Variants in NAALADL2 observed in about 807,000 individuals in gnomAD.
The protein encoded by NAALADL2 is N-acetylated alpha-linked acidic dipeptidase like 2.
In NAALADL2, 76 loss-of-function variants were observed where a neutral mutation model predicts 87.2. The ratio of observed to expected loss-of-function variants is 0.87; its 90% CI spans 0.72 to 1.05. The LOEUF (loss-of-function observed/expected upper bound fraction) is 1.05. NAALADL2 is among the 50% of genes least tolerant of loss of function. The pLI, the probability that NAALADL2 is intolerant of heterozygous loss-of-function variation, is 0.00. For synonymous variants in NAALADL2, 354 were observed against 331.0 expected, an observed-to-expected ratio of 1.07 and a Z score of -0.75; for missense variants, 1,089 against 945.8, an observed-to-expected ratio of 1.15 and a Z score of -1.99.
intron 2 of NAALADL2, among the ~76,000 whole-genome samples, chr3:174,598,007 G>GAGAA (rs1718084781): frequency 6.6e-6 from 1 of 151,980 alleles, no homozygotes; most frequent in Admixed American, 6.6e-5. Flanking sequence ...TAAGTTCTTT[G>GAGAA]AGTTATAATC....
chr3:175,602,738 G>A (rs2149644017), intron 10 of NAALADL2, among the ~76,000 whole-genome samples: 1 of 152,240 alleles, frequency 6.6e-6, no homozygotes, highest in South Asian at 2.1e-4. Flanking sequence ...ACAGTGTTGT[G>A]GGAACTGGAA....
chr3:174,725,677 G>A (rs11717077), intron 2 of NAALADL2, among the ~76,000 whole-genome samples: 3 of 152,258 alleles, frequency 2.0e-5, no homozygotes, highest in South Asian at 2.1e-4. Context: ...CTAGAGAACC[G>A]TTTTTTATAG....
chr3:174,494,191 G>T (rs748028770), intron 1 of NAALADL2, among the ~76,000 whole-genome samples: 1 of 152,088 alleles, frequency 6.6e-6, no homozygotes, highest in African/African-American at 2.4e-5. Context: ...GTTAGGTGTC[G>T]CTTGGAGATG....
chr3:175,560,463 A>G (rs190406054), intron 9 of NAALADL2, among the ~76,000 whole-genome samples: 5 of 151,328 alleles, frequency 3.3e-5, no homozygotes, highest in Admixed American at 3.3e-4. Flanking sequence ...ATTTCGTTTC[A>G]ATTTCATTTA....
intron 13 of NAALADL2, among the ~76,000 whole-genome samples, chr3:175,763,405 G>A (rs1322446710): frequency 6.6e-6 from 1 of 152,026 alleles, no homozygotes; most frequent in African/African-American, 2.4e-5. Flanking sequence ...TTCCAGCCTT[G>A]TCAAAAATTA....
At chr3:174,882,811 G>GTATATATATA (rs1560319764) in intron 1 of NAALADL2, among the ~76,000 whole-genome samples, 17 of 91,906 alleles carry the variant, frequency 1.8e-4, no homozygotes, top group African/African-American at 1.1e-3. Flanking sequence ...GTGTATATGT[G>GTATATATATA]CATATGTGTA....
chr3:175,015,247 A>G (rs1750660319), intron 1 of NAALADL2, among the ~76,000 whole-genome samples: 1 of 152,158 alleles, frequency 6.6e-6, no homozygotes. Flanking sequence ...AAAGGAAACC[A>G]TGACAACAAC....
intron 10 of NAALADL2, among the ~76,000 whole-genome samples, chr3:175,600,990 A>G (rs1355025914): frequency 2.0e-5 from 3 of 152,282 alleles, no homozygotes; most frequent in South Asian, 2.1e-4. Context: ...CCTGTCAACC[A>G]TTGCCTAATT....
In NAALADL2 at chr3:175,086,901, T is replaced by A. The variant is rs186765393; in HGVS notation, c.44-9889T>A. Among the ~76,000 whole-genome samples, 486 of 152,276 alleles carry A rather than the reference T, an allele frequency of 3.2e-3. 4 individuals are homozygous for A. The highest frequency in any genetic ancestry group is 0.011 in the African/African-American group (472 of 41,584). ...CTTTTTAACTAAACATCTATTTTTATTAAAGATGCTAACAATAATTAGTAC... is the reference window on the plus strand; with the variant it reads ...CTTTTTAACTAAACATCTATTTTTAATAAAGATGCTAACAATAATTAGTAC... On this transcript the variant is annotated intron_variant, in intron 1 of 13. Coordinates refer to ENST00000454872, the MANE Select transcript of NAALADL2 (RefSeq NM_207015.3).
chr3:174,505,556 A>T (rs1719148490), intron 1 of NAALADL2, among the ~76,000 whole-genome samples: 1 of 127,088 alleles, frequency 7.9e-6, no homozygotes, highest in South Asian at 3.0e-4. Context: ...ATGAAACTTA[A>T]AGTCTGTGCT....
chr3:174,642,197 TA>T (rs748233908), intron 2 of NAALADL2, among the ~76,000 whole-genome samples: 184 of 148,974 alleles, frequency 1.2e-3, no homozygotes, highest in East Asian at 2.4e-3. Context: ...TTAATTATTG[TA>T]AAAAAAAAAT....
At chr3:175,255,123 G>GT (rs1366703344) in intron 3 of NAALADL2, among the ~76,000 whole-genome samples, 1 of 151,198 alleles carries the variant, frequency 6.6e-6, no homozygotes, top group East Asian at 2.0e-4. Flanking sequence ...GGGAGCCAAA[G>GT]TAGAGAGAGG....
rs12631320 is a variant in NAALADL2 at position 175,232,500 on chromosome 3, G to A, written c.546-1431G>A. 6.6e-4 allele frequency among the ~76,000 whole-genome samples: 101 copies of A among 152,186 alleles called. 1 individual carries two copies. The East Asian group carries it at 0.017, about 25-fold the overall frequency. On this transcript the variant is annotated intron_variant, in intron 2 of 13. Coordinates refer to ENST00000454872, the MANE Select transcript of NAALADL2 (RefSeq NM_207015.3). Reference sequence around the variant, plus strand: ...CATTTAGCTTTTCTGAGACACACTGGATAAACACAAATTGTCCTGGGCCAC... The same window carrying A: ...CATTTAGCTTTTCTGAGACACACTGAATAAACACAAATTGTCCTGGGCCAC...
Position 175,809,839 on chromosome 3 carries a change from C to T in NAALADL2, c.*6636C>T, listed in dbSNP as rs1294544002. The T allele has an allele frequency of 2.6e-5, 4 of 151,892 alleles. No individual in the cohort carries two copies. Among genetic ancestry groups the T allele is most frequent in the Non-Finnish European group, 5.9e-5 (4 of 67,964 alleles). The allele number at this position is 151,892 out of a possible 1,614,324, so 9.4% of individuals were successfully genotyped here. Reference sequence around the variant, plus strand: ...ATGTAAGATTTTAGAAGTAAAATCTCAGTGGTATAACATTTAAAACACAGC... The same window carrying T: ...ATGTAAGATTTTAGAAGTAAAATCTTAGTGGTATAACATTTAAAACACAGC... On this transcript the variant is annotated 3_prime_UTR_variant, in exon 14 of 14. Coordinates refer to ENST00000454872, the MANE Select transcript of NAALADL2 (RefSeq NM_207015.3).
chr3:175,596,996 ATATG>A (rs1342243989), intron 10 of NAALADL2, among the ~76,000 whole-genome samples: 1 of 152,000 alleles, frequency 6.6e-6, no homozygotes, highest in Non-Finnish European at 1.5e-5. Context: ...GATGGCATTT[ATATG>A]TAATATATGT....
At chr3:174,745,659 T>C (rs1162160944) in intron 3 of NAALADL2, among the ~76,000 whole-genome samples, 1 of 152,130 alleles carries the variant, frequency 6.6e-6, no homozygotes, top group Non-Finnish European at 1.5e-5. Flanking sequence ...CTTCAGCCAA[T>C]ATCCCTGATG....
chr3:175,530,640 T>A (rs1051730383), intron 9 of NAALADL2, among the ~76,000 whole-genome samples: 2 of 152,160 alleles, frequency 1.3e-5, no homozygotes, highest in African/African-American at 4.8e-5. Flanking sequence ...CCACTCCCCA[T>A]GAGGCTTGCA....
At chr3:175,788,088 GTTTTTTTTTTT>G (rs1004422588) in intron 13 of NAALADL2, among the ~76,000 whole-genome samples, 2 of 104,260 alleles carry the variant, frequency 1.9e-5, no homozygotes, top group Non-Finnish European at 3.9e-5. Flanking sequence ...TTTTTTACCT[GTTTTTTTTTTT>G]TTTTTTTTTT....
At chr3:175,516,294 C>G (rs889139850) in intron 9 of NAALADL2, among the ~76,000 whole-genome samples, 1 of 152,192 alleles carries the variant, frequency 6.6e-6, no homozygotes, top group African/African-American at 2.4e-5. Context: ...GCCCATATCT[C>G]TTCAGGCTGA....
Sources: allele counts gnomAD v4.1 joint callset (sites outside exome capture counted in the v4.1 genomes callset), GRCh38; gene constraint gnomAD v4.1.1; transcripts MANE v1.5; gene names NCBI Gene and HGNC (gene_info 2026-07-23, HGNC 2026-07-21).